PPM1F: variants seen among roughly 807,000 people sequenced by gnomAD.
PPM1F encodes the protein protein phosphatase 1F.
A neutral mutation model predicts 35.5 loss-of-function variants in PPM1F; 17 were observed. That is an observed-to-expected ratio of 0.48 (90% CI 0.33 to 0.72). The LOEUF (loss-of-function observed/expected upper bound fraction) is 0.72. PPM1F is among the 30% of genes least tolerant of loss of function. The pLI is 0.02. For missense variants in PPM1F, 521 were observed against 613.0 expected (o/e 0.85, Z 1.59); for synonymous variants, 241 against 255.5 (o/e 0.94, Z 0.54).
At chr22:21,925,321 T>C (rs561410948) in intron 7 of PPM1F, 5 of 434,506 alleles carry the variant, frequency 1.2e-5, no homozygotes, top group East Asian at 3.4e-5. Flanking sequence ...CAGGTTTCTA[T>C]GAGATTTGTA....
At position 21,927,937 on chromosome 22, in the gene PPM1F, G is replaced by GTT. The variant is rs1392008034; in HGVS notation, c.892-2277_892-2276dup. Among the ~76,000 whole-genome samples, 35 of 68,094 alleles carry GTT rather than the reference G, an allele frequency of 5.1e-4. 1 individual carries two copies. Among genetic ancestry groups the GTT allele is most frequent in the African/African-American group, 1.7e-3 (26 of 15,456 alleles). 44.7% of individuals were successfully genotyped at this position (68,094 alleles called of 152,430 possible). A position where few individuals can be genotyped will look rare whatever the true frequency, so the allele number is the denominator to read the frequency against. On this transcript the variant is annotated intron_variant, in intron 6 of 7. Transcript: ENST00000263212. Reference sequence around the variant, plus strand: ...TCACTGATTCTTGATTCTGTTTTTTGTTTTGTTTTTTTTTTTTTTTTTTTT... The same window carrying GTT: ...TCACTGATTCTTGATTCTGTTTTTTGTTTTTTGTTTTTTTTTTTTTTTTTTTT...
In PPM1F at chr22:21,931,191, C is replaced by T; in HGVS notation, c.848G>A (p.Gly283Glu). ...GDSQVILVQQ[G>E]QVVKLMEPHR... ...TGGCTCCATCAGCTTCACCACCTGTCCCTGCTGTACCAAAATGACCTGGGA... is the reference window on the plus strand; with the variant it reads ...TGGCTCCATCAGCTTCACCACCTGTTCCTGCTGTACCAAAATGACCTGGGA... Residue 283 changes from glycine (G) to glutamate (E), a missense_variant, in exon 6 of 8, where the codon GGA (glycine) becomes GAA (glutamate). This residue lies in a region of PPM1F where 47 missense variants were observed against 92.0 expected (regional missense o/e 0.51). Coordinates refer to ENST00000263212, the MANE Select transcript of PPM1F (RefSeq NM_014634.4). 6.2e-7 allele frequency: 1 copy of T among 1,614,208 alleles called. No individual in the cohort carries two copies. Among genetic ancestry groups the T allele is most frequent in the East Asian group, 2.2e-5 (1 of 44,880 alleles).
At chr22:21,947,566 C>T (rs1050736287) in intron 1 of PPM1F, 6 of 152,204 alleles carry the variant, frequency 3.9e-5, no homozygotes, top group African/African-American at 1.2e-4. Flanking sequence ...AGGAACACCC[C>T]GAGTTCTAGG....
In PPM1F at chr22:21,925,638, A is replaced by G; in HGVS notation, c.916T>C (p.Leu306=). The change falls in exon 7 of 8, where the codon TTG becomes CTG. Residue 306 remains leucine (L), a synonymous_variant. Coordinates refer to ENST00000263212, the MANE Select transcript of PPM1F (RefSeq NM_014634.4). ...RQDEKARIEA[L]GGFVSHMDCW... Reference sequence around the variant, plus strand: ...TCCATGTGAGACACAAAGCCACCCAATGCTTCAATGCGCGCCTTCTCATCC... The same window carrying G: ...TCCATGTGAGACACAAAGCCACCCAGTGCTTCAATGCGCGCCTTCTCATCC... 5 of 1,598,776 alleles carry G rather than the reference A, an allele frequency of 3.1e-6. No homozygotes were observed. The highest frequency in any genetic ancestry group is 1.1e-5 in the South Asian group (1 of 90,048).
intron 1 of PPM1F, chr22:21,947,365 A>G: frequency 6.7e-6 from 1 of 149,228 alleles, no homozygotes. Context: ...ACCCCTCCAA[A>G]CCCTCCCCAC....
chr22:21,924,715 G>C (rs982051020), intron 7 of PPM1F, among the ~76,000 whole-genome samples: 1 of 149,908 alleles, frequency 6.7e-6, no homozygotes, highest in Non-Finnish European at 1.5e-5. Context: ...GATTACAGGC[G>C]CGTGCCACCA....
intron 6 of PPM1F, among the ~76,000 whole-genome samples, chr22:21,927,964 T>G (rs2070540067): frequency 9.1e-6 from 1 of 110,308 alleles, no homozygotes; most frequent in Non-Finnish European, 2.0e-5. Flanking sequence ...TTTTTTTTTT[T>G]TTTTTTGGAG....
At chr22:21,949,338 T>C (rs555655709) in intron 1 of PPM1F, 1 of 152,338 alleles carries the variant, frequency 6.6e-6, no homozygotes, top group South Asian at 2.1e-4. Flanking sequence ...GGACACAGCT[T>C]TCTCTCCCTG....
chr22:21,924,396 T>C (rs11704178), intron 7 of PPM1F, among the ~76,000 whole-genome samples: 6,495 of 151,862 alleles, frequency 0.043, 320 homozygotes, highest in East Asian at 0.22. Flanking sequence ...GCATCCCAAG[T>C]AGCTGCGATT....
intron 2 of PPM1F, chr22:21,944,922 T>A (rs1018522037): frequency 6.6e-6 from 1 of 152,282 alleles, no homozygotes; most frequent in African/African-American, 2.4e-5. Flanking sequence ...CTCAGCTTCC[T>A]CACCTGTGGA....
chr22:21,950,108 G>A (rs2070819695), intron 1 of PPM1F: 1 of 152,296 alleles, frequency 6.6e-6, no homozygotes, highest in Non-Finnish European at 1.5e-5. Flanking sequence ...TAACTGTGAT[G>A]ACACCTGGGA....
chr22:21,928,627 G>T (rs2070549242), intron 6 of PPM1F, among the ~76,000 whole-genome samples: 1 of 152,092 alleles, frequency 6.6e-6, no homozygotes. Context: ...CTGTTGCCAA[G>T]GCTGGAGTGC....
rs776240342 is a variant in PPM1F at position 21,923,175 on chromosome 22, C to G, written c.1282G>C (p.Gly428Arg). Residue 428 changes from glycine (G) to arginine (R), a missense_variant, in exon 8 of 8, where the codon GGG (glycine) becomes CGG (arginine). Around this residue, in one of 3 missense-constraint regions of PPM1F, gnomAD observed 163 missense variants for 169.6 expected, o/e 0.96. Transcript: ENST00000263212. Reference sequence around the variant, plus strand: ...CTCCTCCCTTCTGCCTGGGGGTCCCCTTCTCCCTGGTTCCCGCCCTCCAGC... The same window carrying G: ...CTCCTCCCTTCTGCCTGGGGGTCCCGTTCTCCCTGGTTCCCGCCCTCCAGC... The part of the protein sequence containing the change: ...ELLEGGNQGE[G>R]DPQAEGRRQD... 3.7e-6 allele frequency: 6 copies of G among 1,613,604 alleles called. 1 individual carries two copies. The South Asian group carries it at 6.6e-5, about 18-fold the overall frequency.
At chr22:21,932,225 T>C (rs2070600322) in intron 5 of PPM1F, among the ~76,000 whole-genome samples, 1 of 152,214 alleles carries the variant, frequency 6.6e-6, no homozygotes, top group South Asian at 2.1e-4. Context: ...AGTGCCGGGA[T>C]TACAGGCGTG....
chr22:21,924,563 G>A (rs1441450625), intron 7 of PPM1F, among the ~76,000 whole-genome samples: 6 of 149,650 alleles, frequency 4.0e-5, no homozygotes, highest in African/African-American at 9.9e-5. Flanking sequence ...GAGCCACCGC[G>A]CCCAGCTACT....
intron 2 of PPM1F, chr22:21,942,268 ATTTTT>A: frequency 7.2e-6 from 1 of 139,440 alleles, no homozygotes; most frequent in Non-Finnish European, 1.6e-5. Flanking sequence ...TGGATTCCTG[ATTTTT>A]TTTTTTTTTT....
rs2145789476 is a variant in PPM1F at position 21,923,423 on chromosome 22, G to A, written c.1034C>T (p.Ser345Phe). Residue 345 changes from serine (S) to phenylalanine (F), a missense_variant, in exon 8 of 8, where the codon TCC (serine) becomes TTC (phenylalanine). Ser to Phe is a radical substitution (Grantham distance 155, BLOSUM62 -2). This residue lies in a region of PPM1F where 163 missense variants were observed against 169.6 expected (regional missense o/e 0.96). Coordinates refer to ENST00000263212, the MANE Select transcript of PPM1F (RefSeq NM_014634.4). The stretch of plus-strand genomic sequence containing the variant: ...GTCCTCGGAGCCCGTCAGCGCCCGG[G>A]AAGCTGCATCGGCCTCCCCAGACAC... The part of the protein sequence containing the change: ...PYVSGEADAA[S>F]RALTGSEDYL... 2 of 1,613,376 alleles carry A rather than the reference G, an allele frequency of 1.2e-6. No individual in the cohort carries two copies. The highest frequency in any genetic ancestry group is 2.2e-5 in the East Asian group (1 of 44,868).
intron 7 of PPM1F, 82 bp from the exon 8 acceptor site, chr22:21,923,553 A>C: frequency 6.8e-7 from 1 of 1,467,182 alleles, no homozygotes; most frequent in Non-Finnish European, 9.2e-7. Context: ...TAGACCTCAC[A>C]TCCTGCAGGG....
In PPM1F at chr22:21,922,948, T is replaced by G; in HGVS notation, c.*144A>C. ...AGCCACCAGGACGGGCTGCGGGGGGTGTCCCGACTGGCTCTGGGGTGCTGG... is the reference window on the plus strand; with the variant it reads ...AGCCACCAGGACGGGCTGCGGGGGGGGTCCCGACTGGCTCTGGGGTGCTGG... On this transcript the variant is annotated 3_prime_UTR_variant, in exon 8 of 8. Transcript: ENST00000263212. 3.0e-6 allele frequency: 3 copies of G among 1,004,712 alleles called. No homozygotes were observed. Among genetic ancestry groups the G allele is most frequent in the African/African-American group, 1.6e-5 (1 of 60,824 alleles). The allele number at this position is 1,004,712 out of a possible 1,614,324, so 62.2% of individuals were successfully genotyped here.
Sources: gnomAD v4.1 joint callset for allele counts (sites outside exome capture counted in the v4.1 genomes callset) on GRCh38, gnomAD v4.1.1 for gene constraint, gnomAD v4.1.1 regional missense constraint, MANE v1.5 for transcripts, NCBI Gene and HGNC (gene_info 2026-07-23, HGNC 2026-07-21) for gene names.